SOBP: variants seen among roughly 807,000 people sequenced by gnomAD.
The protein encoded by SOBP is sine oculis-binding protein homolog.
A neutral mutation model predicts 53.6 loss-of-function variants in SOBP; 4 were observed. The ratio of observed to expected loss-of-function variants is 0.07; its 90% CI spans 0.04 to 0.17. The LOEUF is 0.17. Ranked by LOEUF, SOBP falls within the 10% of genes least tolerant of loss-of-function variation. The probability of loss-of-function intolerance (pLI) is 1.00; values close to 1 mark genes in which losing one functional copy is unlikely to be tolerated. For synonymous variants in SOBP, 584 were observed against 522.6 expected, an observed-to-expected ratio of 1.12 and a Z score of -1.60; for missense variants, 1,088 against 1,204.7, an observed-to-expected ratio of 0.90 and a Z score of 1.43.
intron 5 of SOBP, among the ~76,000 whole-genome samples, chr6:107,618,815 G>A (rs989496713): frequency 1.2e-4 from 18 of 152,184 alleles, no homozygotes; most frequent in Non-Finnish European, 2.4e-4. Flanking sequence ...GGAAGGTCAC[G>A]CCATAGGTAC....
chr6:107,509,755 G>T (rs1367909153), intron 3 of SOBP: 2 of 152,158 alleles, frequency 1.3e-5, no homozygotes, highest in African/African-American at 4.8e-5. Flanking sequence ...CAAAAATTGA[G>T]CCTTGAAAGT....
chr6:107,519,669 T>A (rs1783423622), intron 3 of SOBP, among the ~76,000 whole-genome samples: 1 of 152,184 alleles, frequency 6.6e-6, no homozygotes, highest in East Asian at 1.9e-4. Flanking sequence ...ACAGGAGAGT[T>A]GAATTTTTCC....
At chr6:107,638,203 A>ATTTG (rs1771139248) in intron 6 of SOBP, among the ~76,000 whole-genome samples, 1 of 151,580 alleles carries the variant, frequency 6.6e-6, no homozygotes, top group East Asian at 1.9e-4. Context: ...TGTTTTATTT[A>ATTTG]TTTATTTAGT....
At chr6:107,642,654 C>T (rs1490214109) in intron 6 of SOBP, among the ~76,000 whole-genome samples, 1 of 152,234 alleles carries the variant, frequency 6.6e-6, no homozygotes, top group Non-Finnish European at 1.5e-5. Flanking sequence ...CTCCCAGCCT[C>T]ATTCCCATCC....
intron 5 of SOBP, among the ~76,000 whole-genome samples, chr6:107,591,819 AC>A (rs147250123): frequency 1.3e-5 from 2 of 152,086 alleles, no homozygotes; most frequent in Non-Finnish European, 2.9e-5. Flanking sequence ...CATATAATGA[AC>A]CCCCATGTTC....
intron 4 of SOBP, among the ~76,000 whole-genome samples, chr6:107,539,743 A>G (rs1784101089): frequency 1.3e-5 from 2 of 152,204 alleles, no homozygotes; most frequent in Non-Finnish European, 2.9e-5. Flanking sequence ...TTTGGGACGA[A>G]CATTCTCCTT....
rs1167735537 is a variant in SOBP at position 107,520,107 on chromosome 6, CCA to C, written c.422-13351_422-13350del. ...ACAATAACGGAGCACTCAGAAAGGG[CCA>C]TTTCTAAAATTGTCCTGTCAGCCAA... On this transcript the variant is annotated intron_variant, in intron 3 of 6. Transcript: ENST00000317357. Among the ~76,000 whole-genome samples, 4 of 152,144 alleles carry C rather than the reference CCA, an allele frequency of 2.6e-5. No homozygotes were observed. In the East Asian group the frequency reaches 7.7e-4, roughly 29 times the overall value.
At chr6:107,597,544 A>G (rs1435458036) in intron 5 of SOBP, among the ~76,000 whole-genome samples, 1 of 152,224 alleles carries the variant, frequency 6.6e-6, no homozygotes, top group Non-Finnish European at 1.5e-5. Flanking sequence ...TGAAGTATTT[A>G]TGAGTTTATG....
At chr6:107,527,609 C>G (rs535155050) in intron 3 of SOBP, among the ~76,000 whole-genome samples, 1 of 152,236 alleles carries the variant, frequency 6.6e-6, no homozygotes, top group East Asian at 1.9e-4. Flanking sequence ...TGATCCTCAC[C>G]GAAGCCATAG....
chr6:107,541,784 A>G (rs1460576271), intron 4 of SOBP, among the ~76,000 whole-genome samples: 1 of 152,208 alleles, frequency 6.6e-6, no homozygotes, highest in African/African-American at 2.4e-5. Flanking sequence ...TCTTTGAAGG[A>G]TGTGACACTT....
intron 5 of SOBP, among the ~76,000 whole-genome samples, chr6:107,600,544 A>T (rs1179260882): frequency 6.6e-6 from 1 of 152,244 alleles, no homozygotes; most frequent in Non-Finnish European, 1.5e-5. Context: ...TGTTAAAAAA[A>T]AAAAAGACCA....
intron 4 of SOBP, among the ~76,000 whole-genome samples, chr6:107,545,094 C>T (rs913875027): frequency 6.6e-6 from 1 of 152,006 alleles, no homozygotes; most frequent in African/African-American, 2.4e-5. Flanking sequence ...AAAGATTGGG[C>T]AAAAATGCAC....
chr6:107,490,730 G>T lies in SOBP; in HGVS notation c.96+18G>T, dbSNP rs1402743280. 4 of 1,555,384 alleles carry T rather than the reference G, an allele frequency of 2.6e-6. No homozygotes were observed. On this transcript the variant is annotated intron_variant, in intron 1 of 6. Transcript: ENST00000317357. ...AGATGAAGGTATTTTTTGATCTCGGGGGCCAGGGAGACTGAGCTCTTTCTT... is the reference window on the plus strand; with the variant it reads ...AGATGAAGGTATTTTTTGATCTCGGTGGCCAGGGAGACTGAGCTCTTTCTT...
chr6:107,547,606 A>C (rs922759017), intron 4 of SOBP, among the ~76,000 whole-genome samples: 2 of 152,222 alleles, frequency 1.3e-5, no homozygotes, highest in Admixed American at 1.3e-4. Flanking sequence ...AAGAACTAAT[A>C]ATAAAACTAA....
At chr6:107,594,956 C>T (rs1362724121) in intron 5 of SOBP, among the ~76,000 whole-genome samples, 2 of 152,206 alleles carry the variant, frequency 1.3e-5, no homozygotes, top group Admixed American at 1.3e-4. Context: ...ATGCCGCTGC[C>T]TTCTCAGGGT....
chr6:107,550,710 G>T (rs1424547659), intron 4 of SOBP, among the ~76,000 whole-genome samples: 2 of 152,128 alleles, frequency 1.3e-5, no homozygotes, highest in East Asian at 1.9e-4. Flanking sequence ...TTCAGGAAAT[G>T]GGATGGATAG....
chr6:107,520,005 C>T (rs1783434593), intron 3 of SOBP, among the ~76,000 whole-genome samples: 1 of 152,104 alleles, frequency 6.6e-6, no homozygotes, highest in South Asian at 2.1e-4. Flanking sequence ...ATTTTATGAA[C>T]ATTTGTCTTT....
intron 3 of SOBP, among the ~76,000 whole-genome samples, chr6:107,518,270 C>T (rs933673816): frequency 1.8e-4 from 27 of 152,122 alleles, no homozygotes; most frequent in African/African-American, 6.5e-4. Flanking sequence ...TTAGGGACAT[C>T]AGATTTAAAA....
intron 6 of SOBP, among the ~76,000 whole-genome samples, chr6:107,643,412 A>G (rs1249354417): frequency 1.3e-5 from 2 of 151,814 alleles, no homozygotes; most frequent in African/African-American, 4.8e-5. Flanking sequence ...GCTTTTATTT[A>G]TTTATTTATT....
Sources: allele counts gnomAD v4.1 joint callset (sites outside exome capture counted in the v4.1 genomes callset), GRCh38; gene constraint gnomAD v4.1.1; transcripts MANE v1.5; gene names NCBI Gene and HGNC (gene_info 2026-07-23, HGNC 2026-07-21).